MDGA2: variants seen among roughly 807,000 people sequenced by gnomAD.
MDGA2 encodes the protein MAM domain containing glycosylphosphatidylinositol anchor 2.
In MDGA2, 40 loss-of-function variants were observed where a neutral mutation model predicts 117.8. The observed-to-expected ratio is 0.34, with a 90% CI of 0.26 to 0.44. The LOEUF (loss-of-function observed/expected upper bound fraction) is 0.44, where lower values mean the gene tolerates loss of function less well. Among genes scored for constraint, MDGA2 ranks in the 20% least tolerant of loss-of-function variants. MDGA2 has a pLI of 1.00. For missense variants in MDGA2, 1,123 were observed against 1,250.6 expected, an observed-to-expected ratio of 0.90 and a Z score of 1.54; for synonymous variants, 452 against 439.0, an observed-to-expected ratio of 1.03 and a Z score of -0.37.
intron 1 of MDGA2, among the ~76,000 whole-genome samples, chr14:47,302,057 T>G (rs1481595971): frequency 1.3e-5 from 2 of 152,192 alleles, no homozygotes; most frequent in East Asian, 1.9e-4. Flanking sequence ...ACCAACTTAA[T>G]TTACCATACT....
intron 1 of MDGA2, among the ~76,000 whole-genome samples, chr14:47,564,239 G>A (rs1367508799): frequency 6.6e-6 from 1 of 152,058 alleles, no homozygotes. Flanking sequence ...CTTGGGGATG[G>A]TCTTTTGTAG....
chr14:47,138,082 T>C (rs558061479), intron 4 of MDGA2, among the ~76,000 whole-genome samples: 2 of 152,282 alleles, frequency 1.3e-5, no homozygotes, highest in South Asian at 4.1e-4. Flanking sequence ...TTTAAAACAA[T>C]ACAGCAGAAT....
chr14:47,314,295 A>G (rs776641687), intron 1 of MDGA2, among the ~76,000 whole-genome samples: 10 of 152,104 alleles, frequency 6.6e-5, no homozygotes, highest in Non-Finnish European at 1.5e-4. Context: ...CACCATTAAT[A>G]TTTTCTAGTT....
At chr14:47,650,079 A>G (rs1202002159) in intron 1 of MDGA2, among the ~76,000 whole-genome samples, 1 of 152,162 alleles carries the variant, frequency 6.6e-6, no homozygotes, top group African/African-American at 2.4e-5. Context: ...GCCTCATCCA[A>G]TCAATCGAAG....
intron 9 of MDGA2, among the ~76,000 whole-genome samples, chr14:46,928,819 CA>C (rs1884429301): frequency 1.3e-5 from 2 of 152,164 alleles, no homozygotes; most frequent in South Asian, 4.1e-4. Context: ...CATTTAATTA[CA>C]AAAACATATC....
intron 10 of MDGA2, among the ~76,000 whole-genome samples, chr14:46,902,494 T>A (rs977617526): frequency 6.6e-6 from 1 of 152,176 alleles, no homozygotes; most frequent in Non-Finnish European, 1.5e-5. Flanking sequence ...AATTACACTC[T>A]TTGAAGGAAA....
rs78621806 is a variant in MDGA2, at chr14:46,979,166, G to A, written c.1820-21523C>T. Among the ~76,000 whole-genome samples the A allele has an allele frequency of 4.1e-3, 617 of 151,518 alleles. 31 individuals carry two copies. In the East Asian group the frequency reaches 0.11, roughly 27 times the overall value. ...ATCCAAAATAGTAACCTTTTTTTCA[G>A]TGATCTTACTATTGTTATTTCTATT... On this transcript the variant is annotated intron_variant, in intron 8 of 16. Coordinates refer to ENST00000399232, the MANE Select transcript of MDGA2 (RefSeq NM_001113498.3).
chr14:47,663,867 A>G (rs1253065870), intron 1 of MDGA2, among the ~76,000 whole-genome samples: 1 of 152,134 alleles, frequency 6.6e-6, no homozygotes, highest in Non-Finnish European at 1.5e-5. Context: ...GCTGTTTTCC[A>G]ATTAGTCTTG....
intron 1 of MDGA2, among the ~76,000 whole-genome samples, chr14:47,517,195 T>A (rs1300216737): frequency 6.6e-6 from 1 of 152,126 alleles, no homozygotes; most frequent in Non-Finnish European, 1.5e-5. Context: ...ATATCATGCC[T>A]GCAAAAAATG....
chr14:47,122,126 A>T (rs1306195539), intron 5 of MDGA2, among the ~76,000 whole-genome samples: 1 of 151,960 alleles, frequency 6.6e-6, no homozygotes, highest in East Asian at 1.9e-4. Flanking sequence ...TAAATGTGAA[A>T]TTTTATTGTG....
chr14:47,245,282 G>A (rs1161664330), intron 2 of MDGA2, among the ~76,000 whole-genome samples: 1 of 151,680 alleles, frequency 6.6e-6, no homozygotes, highest in Non-Finnish European at 1.5e-5. Flanking sequence ...TCCCCTCTTG[G>A]CCTTATGATT....
In MDGA2 at chr14:47,066,536, A is replaced by G. The variant is rs141611286; in HGVS notation, c.1196-4958T>C. On this transcript the variant is annotated intron_variant, in intron 6 of 16. Transcript: ENST00000399232. ...ATATGTGAGGAAGAGAATTCTGTACACAACACAAGAAACCTCATTCTAGCA... is the reference window on the plus strand; with the variant it reads ...ATATGTGAGGAAGAGAATTCTGTACGCAACACAAGAAACCTCATTCTAGCA... Among the ~76,000 whole-genome samples, 1,391 of 152,332 alleles carry G rather than the reference A, an allele frequency of 9.1e-3. 25 individuals are homozygous for G. The highest frequency in any genetic ancestry group is 0.032 in the African/African-American group (1,326 of 41,584).
intron 6 of MDGA2, among the ~76,000 whole-genome samples, chr14:47,096,553 T>C (rs993376971): frequency 6.6e-6 from 1 of 152,038 alleles, no homozygotes; most frequent in Non-Finnish European, 1.5e-5. Flanking sequence ...TGTTTTATGC[T>C]GCAAGCCACA....
chr14:46,956,973 G>A (rs1317796030), intron 9 of MDGA2, among the ~76,000 whole-genome samples: 2 of 151,992 alleles, frequency 1.3e-5, no homozygotes, highest in Non-Finnish European at 2.9e-5. Flanking sequence ...CTTCCCCTTT[G>A]CCTTTTGCCA....
At chr14:47,367,242 T>C (rs761381188) in intron 1 of MDGA2, among the ~76,000 whole-genome samples, 23 of 152,336 alleles carry the variant, frequency 1.5e-4, no homozygotes, top group Non-Finnish European at 3.1e-4. Context: ...GCAAGAGCAA[T>C]CATCCATCTT....
chr14:46,923,683 A>AC (rs397792954), intron 9 of MDGA2, among the ~76,000 whole-genome samples: 433 of 152,022 alleles, frequency 2.8e-3, no homozygotes, highest in African/African-American at 1.0e-2. Context: ...AAGCTTTAAA[A>AC]GGAAAAATGC....
At chr14:47,044,499 T>C (rs1889187787) in intron 7 of MDGA2, among the ~76,000 whole-genome samples, 1 of 152,184 alleles carries the variant, frequency 6.6e-6, no homozygotes. Flanking sequence ...TTACTTGCAG[T>C]CCTGTGTGTA....
At chr14:47,671,805 T>G (rs1378267959) in intron 1 of MDGA2, among the ~76,000 whole-genome samples, 1 of 152,238 alleles carries the variant, frequency 6.6e-6, no homozygotes, top group Non-Finnish European at 1.5e-5. Flanking sequence ...CTAAATCTTA[T>G]GTCTATGTCC....
At chr14:47,015,211 A>C (rs953503492) in intron 8 of MDGA2, among the ~76,000 whole-genome samples, 1 of 152,086 alleles carries the variant, frequency 6.6e-6, no homozygotes, top group African/African-American at 2.4e-5. Context: ...ATAATGTCTA[A>C]GATCACTGCT....
Sources: gnomAD v4.1 joint callset for allele counts (sites outside exome capture counted in the v4.1 genomes callset) on GRCh38, gnomAD v4.1.1 for gene constraint, MANE v1.5 for transcripts, NCBI Gene and HGNC (gene_info 2026-07-23, HGNC 2026-07-21) for gene names.